The following CNTN4 variants were observed in gnomAD, a reference collection of about 807,000 sequenced individuals.
The protein encoded by CNTN4 is contactin 4, also known as contactin-4.
A neutral mutation model predicts 122.5 loss-of-function variants in CNTN4; 77 were observed. The observed-to-expected ratio is 0.63, with a 90% CI of 0.52 to 0.76. CNTN4 has a LOEUF of 0.76. Ranked by LOEUF, CNTN4 falls within the 30% of genes least tolerant of loss-of-function variation. CNTN4 has a pLI of 0.00. For missense variants in CNTN4, 1,256 were observed against 1,259.1 expected, an observed-to-expected ratio of 1.00 and a Z score of 0.04; for synonymous variants, 512 against 447.0, an observed-to-expected ratio of 1.15 and a Z score of -1.83.
chr3:2,833,222 T>C (rs12636999), intron 7 of CNTN4, among the ~76,000 whole-genome samples: 70,770 of 151,382 alleles, frequency 0.47, 18,701 homozygotes, highest in East Asian at 0.8. Context: ...TAAAAGAGAG[T>C]TGCCGCCAAT....
chr3:2,307,114 C>G (rs2042737585), intron 2 of CNTN4, among the ~76,000 whole-genome samples: 3 of 151,978 alleles, frequency 2.0e-5, no homozygotes, highest in African/African-American at 7.3e-5. Flanking sequence ...TCCTAATTGT[C>G]CTAGTTAGGA....
At chr3:2,435,569 T>G (rs1179413201) in intron 3 of CNTN4, among the ~76,000 whole-genome samples, 1 of 152,164 alleles carries the variant, frequency 6.6e-6, no homozygotes, top group Admixed American at 6.5e-5. Context: ...GCAGCCTGTT[T>G]CAGCAAGGCT....
chr3:2,250,975 A>G (rs1232465437), intron 2 of CNTN4, among the ~76,000 whole-genome samples: 1 of 151,926 alleles, frequency 6.6e-6, no homozygotes, highest in Admixed American at 6.6e-5. Context: ...AGTCTGAGTA[A>G]GAGAAATTCT....
intron 3 of CNTN4, among the ~76,000 whole-genome samples, chr3:2,373,768 A>G (rs768187330): frequency 2.0e-5 from 3 of 152,194 alleles, no homozygotes; most frequent in Non-Finnish European, 2.9e-5. Flanking sequence ...CAGATACAGT[A>G]TGTGGAAGCA....
rs191483112 is a variant in CNTN4, at chr3:2,883,353, A to G, written c.755+106A>G. 4.1e-5 allele frequency: 33 copies of G among 800,796 alleles called. No homozygotes were observed. In the African/African-American group the frequency reaches 4.8e-4, roughly 12 times the overall value. The allele number at this position is 800,796 out of a possible 1,614,324, so 49.6% of individuals were successfully genotyped here. ...TGGTTTCTGAGGTGACGGAAAAGCA[A>G]GTGAAGCCTTTCTCTTTGTAATTCT... is the stretch of plus-strand genomic sequence containing the variant. On this transcript the variant is annotated intron_variant, in intron 9 of 24. Coordinates refer to ENST00000418658, the MANE Select transcript of CNTN4 (RefSeq NM_175607.3).
chr3:2,645,264 G>T (rs1438907642), intron 4 of CNTN4, among the ~76,000 whole-genome samples: 1 of 152,098 alleles, frequency 6.6e-6, no homozygotes, highest in Non-Finnish European at 1.5e-5. Context: ...CTAGAAACCT[G>T]ATAATACCTT....
intron 3 of CNTN4, among the ~76,000 whole-genome samples, chr3:2,340,161 T>C (rs1024686083): frequency 6.6e-6 from 1 of 152,150 alleles, no homozygotes; most frequent in Non-Finnish European, 1.5e-5. Context: ...TTTTGGAGAT[T>C]AGGATTTCAA....
chr3:2,677,697 G>T (rs1316073138), intron 4 of CNTN4, among the ~76,000 whole-genome samples: 3 of 152,006 alleles, frequency 2.0e-5, no homozygotes, highest in Admixed American at 6.6e-5. Flanking sequence ...CCAGCAGATG[G>T]TGGTGGCAGC....
intron 6 of CNTN4, among the ~76,000 whole-genome samples, chr3:2,793,038 G>A (rs1404893203): frequency 1.3e-5 from 2 of 152,268 alleles, no homozygotes; most frequent in East Asian, 3.9e-4. Context: ...GGTTGCTGAG[G>A]AGCAGCAAGT....
chr3:2,202,965 G>C (rs1460477410), intron 2 of CNTN4, among the ~76,000 whole-genome samples: 7 of 151,394 alleles, frequency 4.6e-5, no homozygotes, highest in African/African-American at 1.7e-4. Flanking sequence ...GGGAGTACAG[G>C]TGCATGCCAC....
At chr3:2,345,016 T>C (rs1297616864) in intron 3 of CNTN4, among the ~76,000 whole-genome samples, 1 of 152,218 alleles carries the variant, frequency 6.6e-6, no homozygotes, top group African/African-American at 2.4e-5. Context: ...ATGATTTTTA[T>C]TCTTTCTGTG....
intron 16 of CNTN4, among the ~76,000 whole-genome samples, chr3:3,032,589 C>G (rs886964985): frequency 6.6e-6 from 1 of 152,190 alleles, no homozygotes; most frequent in Non-Finnish European, 1.5e-5. Flanking sequence ...ATGTATTTCA[C>G]CACCCTGAAA....
chr3:2,837,188 C>T (rs551731012), intron 7 of CNTN4, among the ~76,000 whole-genome samples: 1 of 152,242 alleles, frequency 6.6e-6, no homozygotes, highest in East Asian at 1.9e-4. Flanking sequence ...TGTTAATTAC[C>T]TCTTTTTCCA....
chr3:2,747,084 T>C (rs1429671157), intron 6 of CNTN4, among the ~76,000 whole-genome samples: 1 of 132,844 alleles, frequency 7.5e-6, no homozygotes, highest in Non-Finnish European at 1.6e-5. Context: ...TTTAACACAG[T>C]ATAACACCAA....
chr3:2,698,717 A>T lies in CNTN4; in HGVS notation c.56-37498A>T, dbSNP rs540097925. ...CTTTTAAGATATAAAAAGCAAAAATATGTAAAAATAGCCATTTCTACATGG... is the reference window on the plus strand; with the variant it reads ...CTTTTAAGATATAAAAAGCAAAAATTTGTAAAAATAGCCATTTCTACATGG... On this transcript the variant is annotated intron_variant, in intron 4 of 24. Transcript: ENST00000418658. Among the ~76,000 whole-genome samples, 5 of 152,344 alleles carry T rather than the reference A, an allele frequency of 3.3e-5. No homozygotes were observed. In the East Asian group the frequency reaches 5.8e-4, roughly 18 times the overall value.
intron 7 of CNTN4, among the ~76,000 whole-genome samples, chr3:2,843,646 G>A (rs1178300986): frequency 1.3e-5 from 2 of 152,062 alleles, no homozygotes; most frequent in East Asian, 3.9e-4. Context: ...AAAGTATGTG[G>A]CACCTACCCC....
intron 3 of CNTN4, among the ~76,000 whole-genome samples, chr3:2,357,979 A>G (rs1417223155): frequency 1.3e-5 from 2 of 152,206 alleles, no homozygotes; most frequent in Non-Finnish European, 2.9e-5. Flanking sequence ...TAATATGTGA[A>G]TTCTACACTT....
At chr3:2,724,798 C>G (rs1246907883) in intron 4 of CNTN4, among the ~76,000 whole-genome samples, 1 of 152,186 alleles carries the variant, frequency 6.6e-6, no homozygotes, top group East Asian at 1.9e-4. Flanking sequence ...GGGCTTAAAA[C>G]AGATAGTCTC....
intron 14 of CNTN4, among the ~76,000 whole-genome samples, chr3:3,013,064 C>T (rs1192041405): frequency 6.6e-6 from 1 of 152,068 alleles, no homozygotes. Flanking sequence ...TTCCTTTCTT[C>T]CCCGTGCAAA....
Sources: gnomAD v4.1 joint callset for allele counts (sites outside exome capture counted in the v4.1 genomes callset) on GRCh38, gnomAD v4.1.1 for gene constraint, MANE v1.5 for transcripts, NCBI Gene and HGNC (gene_info 2026-07-23, HGNC 2026-07-21) for gene names.